Variants in CMTM8 observed in about 807,000 individuals in gnomAD.
The protein encoded by CMTM8 is CKLF-like MARVEL transmembrane domain-containing protein 8.
A neutral mutation model predicts 18.6 loss-of-function variants in CMTM8; 12 were observed. That is an observed-to-expected ratio of 0.65 (90% CI 0.41 to 1.05). CMTM8 has a LOEUF of 1.05. CMTM8 is among the 50% of genes least tolerant of loss of function. The pLI is 0.00. For synonymous variants in CMTM8, 87 were observed against 90.6 expected (o/e 0.96, Z 0.23); for missense variants, 217 against 227.2 (o/e 0.95, Z 0.29).
At chr3:32,272,719 G>A (rs1702456787) in intron 1 of CMTM8, among the ~76,000 whole-genome samples, 1 of 152,108 alleles carries the variant, frequency 6.6e-6, no homozygotes, top group Admixed American at 6.5e-5. Context: ...AAATTGAAAG[G>A]GACATCTTTT....
intron 1 of CMTM8, among the ~76,000 whole-genome samples, chr3:32,340,016 G>A (rs1039932555): frequency 1.3e-5 from 2 of 152,174 alleles, no homozygotes; most frequent in South Asian, 2.1e-4. Context: ...GGAGGAGGCT[G>A]TGAATTTGTG....
chr3:32,269,356 T>C (rs1045212045), intron 1 of CMTM8, among the ~76,000 whole-genome samples: 1 of 152,286 alleles, frequency 6.6e-6, no homozygotes, highest in African/African-American at 2.4e-5. Flanking sequence ...TTGGAAATTA[T>C]GTCTAAGATT....
At chr3:32,274,558 T>C (rs1702488113) in intron 1 of CMTM8, among the ~76,000 whole-genome samples, 1 of 152,070 alleles carries the variant, frequency 6.6e-6, no homozygotes, top group African/African-American at 2.4e-5. Flanking sequence ...CAATTGAGAG[T>C]AGGTTGCAGA....
intron 1 of CMTM8, among the ~76,000 whole-genome samples, chr3:32,316,521 G>A (rs1337076791): frequency 6.6e-6 from 1 of 152,194 alleles, no homozygotes; most frequent in Non-Finnish European, 1.5e-5. Context: ...GTTGACAGAA[G>A]GCATGACAAG....
At chr3:32,278,111 C>T (rs962999644) in intron 1 of CMTM8, among the ~76,000 whole-genome samples, 8 of 152,174 alleles carry the variant, frequency 5.3e-5, no homozygotes, top group Non-Finnish European at 1.0e-4. Context: ...CTTCATTTCC[C>T]ACCATCCTGT....
At position 32,277,315 on chromosome 3, in the gene CMTM8, C is replaced by T. The variant is rs191951360; in HGVS notation, c.147+38196C>T. 3.5e-3 allele frequency among the ~76,000 whole-genome samples: 527 copies of T among 152,286 alleles called. 5 individuals carry two copies. The highest frequency in any genetic ancestry group is 0.011 in the African/African-American group (463 of 41,556). On this transcript the variant is annotated intron_variant, in intron 1 of 3. Coordinates refer to ENST00000307526, the MANE Select transcript of CMTM8 (RefSeq NM_178868.5). Reference sequence around the variant, plus strand: ...GAGGCTGTGGGCAAGTAAGGCCCCACGGTGGTTGCTGCTGCTGACTTAGAG... The same window carrying T: ...GAGGCTGTGGGCAAGTAAGGCCCCATGGTGGTTGCTGCTGCTGACTTAGAG...
intron 1 of CMTM8, among the ~76,000 whole-genome samples, chr3:32,349,922 C>G (rs903368986): frequency 6.6e-6 from 1 of 152,136 alleles, no homozygotes; most frequent in Non-Finnish European, 1.5e-5. Flanking sequence ...GCAGGAGAAT[C>G]ACTTGAACCT....
At position 32,319,074 on chromosome 3, in the gene CMTM8, A is replaced by ATATATATT; in HGVS notation, c.148-38298_148-38297insATATATTT. Among the ~76,000 whole-genome samples the ATATATATT allele has an allele frequency of 5.7e-4, 18 of 31,528 alleles. 1 individual carries two copies. Among genetic ancestry groups the ATATATATT allele is most frequent in the Non-Finnish European group, 8.7e-4 (17 of 19,618 alleles). The allele number at this position is 31,528 out of a possible 152,430, so 20.7% of individuals were successfully genotyped here. A position where few individuals can be genotyped will look rare whatever the true frequency, so the allele number is the denominator to read the frequency against. ...TGTATATACATATATATATATATAT[A>ATATATATT]TTTTTTTTTTTTTTTTTTTTTGAGA... is the stretch of plus-strand genomic sequence containing the variant. On this transcript the variant is annotated intron_variant, in intron 1 of 3. Transcript: ENST00000307526.
intron 1 of CMTM8, among the ~76,000 whole-genome samples, chr3:32,242,860 A>ATT (rs199567040): frequency 4.8e-5 from 7 of 144,996 alleles, no homozygotes; most frequent in African/African-American, 5.1e-5. Context: ...ACAAAATACA[A>ATT]TTTTTTTTTT....
intron 1 of CMTM8, among the ~76,000 whole-genome samples, chr3:32,273,136 T>C (rs1702466139): frequency 6.6e-6 from 1 of 150,968 alleles, no homozygotes; most frequent in Non-Finnish European, 1.5e-5. Context: ...CAAATGTGTG[T>C]GTGTGTGTGT....
At chr3:32,282,577 A>G (rs896786968) in intron 1 of CMTM8, among the ~76,000 whole-genome samples, 2 of 152,314 alleles carry the variant, frequency 1.3e-5, no homozygotes, top group East Asian at 3.9e-4. Flanking sequence ...TATTATTTTT[A>G]TATTGCCTCT....
chr3:32,342,032 G>C (rs898889906), intron 1 of CMTM8, among the ~76,000 whole-genome samples: 1 of 152,046 alleles, frequency 6.6e-6, no homozygotes, highest in African/African-American at 2.4e-5. Flanking sequence ...CGGATCACCT[G>C]AGGTCAGGAG....
At chr3:32,298,379 A>G (rs1267289387) in intron 1 of CMTM8, among the ~76,000 whole-genome samples, 1 of 151,840 alleles carries the variant, frequency 6.6e-6, no homozygotes. Context: ...GCCCCTAATT[A>G]AAAACTCTAT....
At chr3:32,306,815 T>C (rs1695724864) in intron 1 of CMTM8, among the ~76,000 whole-genome samples, 1 of 152,164 alleles carries the variant, frequency 6.6e-6, no homozygotes, top group African/African-American at 2.4e-5. Context: ...ATCTTGGCAA[T>C]AGTGTGAGGG....
At chr3:32,295,487 A>AAAAAG in intron 1 of CMTM8, among the ~76,000 whole-genome samples, 2 of 143,874 alleles carry the variant, frequency 1.4e-5, no homozygotes, top group African/African-American at 2.6e-5. Context: ...AACAAAACAA[A>AAAAAG]ACAGCGGAAA....
chr3:32,369,961 A>G lies in CMTM8; in HGVS notation c.516A>G (p.Ile172Met), dbSNP rs774507382. The G allele has an allele frequency of 1.3e-6, 2 of 1,566,794 alleles. No homozygotes were observed. The highest frequency in any genetic ancestry group is 4.5e-5 in the East Asian group (2 of 44,154). Residue 172 changes from isoleucine to methionine, a missense_variant, in exon 4 of 4, where the codon ATA (isoleucine) becomes ATG (methionine). Coordinates refer to ENST00000307526, the MANE Select transcript of CMTM8 (RefSeq NM_178868.5). ...FSFIAWRSRTIQ is the reference protein window; with the variant it reads ...FSFIAWRSRTMQ Reference sequence around the variant, plus strand: ...TTATAGCATGGAGATCCAGGACCATACAGTGATTTACCATTTTGATAATTA... The same window carrying G: ...TTATAGCATGGAGATCCAGGACCATGCAGTGATTTACCATTTTGATAATTA...
chr3:32,257,808 G>C (rs995453807), intron 1 of CMTM8, among the ~76,000 whole-genome samples: 2 of 152,076 alleles, frequency 1.3e-5, no homozygotes, highest in African/African-American at 4.8e-5. Context: ...GAGATGACTG[G>C]AGACTGTTTG....
chr3:32,266,548 C>A (rs372075463), intron 1 of CMTM8, among the ~76,000 whole-genome samples: 2,133 of 152,314 alleles, frequency 0.014, 49 homozygotes, highest in Middle Eastern at 0.054. Context: ...TGGCACGAGA[C>A]AGGGATGCCC....
rs556038271 is a variant in CMTM8, at chr3:32,238,882, C to G, written c.-91C>G. 9.7e-6 allele frequency: 12 copies of G among 1,232,720 alleles called. No individual in the cohort carries two copies. The highest frequency in any genetic ancestry group is 4.7e-5 in the South Asian group (2 of 42,496). 76.4% of individuals were successfully genotyped at this position (1,232,720 alleles called of 1,614,324 possible). ...CCGCGCGGGCCGCGCTCCCCTCCCC[C>G]GCGCCTGTGTCCCCAGGGCGCAGGG... On this transcript the variant is annotated 5_prime_UTR_variant, in exon 1 of 4. Transcript: ENST00000307526.
Sources: allele counts gnomAD v4.1 joint callset (sites outside exome capture counted in the v4.1 genomes callset), GRCh38; gene constraint gnomAD v4.1.1; transcripts MANE v1.5; gene names NCBI Gene and HGNC (gene_info 2026-07-23, HGNC 2026-07-21).